The following CREB5 variants were observed in gnomAD, a reference collection of about 807,000 sequenced individuals.
CREB5 encodes cAMP responsive element binding protein 5.
In CREB5, 19 loss-of-function variants were observed where a neutral mutation model predicts 57.1. The ratio of observed to expected loss-of-function variants is 0.33; its 90% CI spans 0.23 to 0.49. The LOEUF is 0.49. Among genes scored for constraint, CREB5 ranks in the 20% least tolerant of loss-of-function variants. The pLI is 0.99. For missense variants in CREB5, 579 were observed against 671.6 expected, an observed-to-expected ratio of 0.86 and a Z score of 1.52; for synonymous variants, 238 against 238.3, an observed-to-expected ratio of 1.00 and a Z score of 0.01.
chr7:28,557,673 A>G lies in CREB5; in HGVS notation c.292-12692A>G, dbSNP rs186972282. On this transcript the variant is annotated intron_variant, in intron 4 of 10. Coordinates refer to ENST00000357727, the MANE Select transcript of CREB5 (RefSeq NM_182898.4). ...CATATGTGAGCCTCATTGGAAGGTA[A>G]CATTTAAGGAAACACTTGGAAGAGA... is the stretch of plus-strand genomic sequence containing the variant. 7.2e-5 allele frequency among the ~76,000 whole-genome samples: 11 copies of G among 152,298 alleles called. No homozygotes were observed. The East Asian group carries it at 2.1e-3, about 29-fold the overall frequency.
chr7:28,305,259 C>T (rs1477137768), intron 1 of CREB5, among the ~76,000 whole-genome samples: 2 of 152,194 alleles, frequency 1.3e-5, no homozygotes, highest in East Asian at 3.8e-4. Flanking sequence ...TGAATCCACA[C>T]CTTGGCTTTC....
At chr7:28,413,622 G>T (rs1787903030) in intron 1 of CREB5, among the ~76,000 whole-genome samples, 1 of 152,048 alleles carries the variant, frequency 6.6e-6, no homozygotes, top group Admixed American at 6.5e-5. Flanking sequence ...CCGATAAATT[G>T]CCTGTCAATT....
intron 5 of CREB5, among the ~76,000 whole-genome samples, chr7:28,585,883 G>C (rs1583667624): frequency 6.6e-6 from 1 of 152,140 alleles, no homozygotes. Context: ...ACGATTACTT[G>C]AACATTTGAA....
intron 1 of CREB5, among the ~76,000 whole-genome samples, chr7:28,357,932 C>A (rs979558324): frequency 1.3e-5 from 2 of 151,920 alleles, no homozygotes; most frequent in Non-Finnish European, 2.9e-5. Context: ...TGGGTGGGGG[C>A]AGAATTTAAA....
At chr7:28,355,612 C>A (rs894487739) in intron 1 of CREB5, among the ~76,000 whole-genome samples, 2 of 151,902 alleles carry the variant, frequency 1.3e-5, no homozygotes, top group Non-Finnish European at 2.9e-5. Flanking sequence ...AAATATATAC[C>A]CATAAAAATG....
At chr7:28,749,983 T>C (rs1804890298) in intron 7 of CREB5, among the ~76,000 whole-genome samples, 1 of 152,210 alleles carries the variant, frequency 6.6e-6, no homozygotes, top group Admixed American at 6.5e-5. Context: ...TTTCTAGATA[T>C]AATATTAGAC....
At chr7:28,789,100 GT>G (rs1807508003) in intron 7 of CREB5, among the ~76,000 whole-genome samples, 1 of 152,138 alleles carries the variant, frequency 6.6e-6, no homozygotes, top group Non-Finnish European at 1.5e-5. Context: ...CATTTGAAAT[GT>G]TTCACTCAGT....
At chr7:28,552,182 C>A (rs369165858) in intron 4 of CREB5, among the ~76,000 whole-genome samples, 1 of 152,072 alleles carries the variant, frequency 6.6e-6, no homozygotes, top group Non-Finnish European at 1.5e-5. Context: ...GGATTACAGG[C>A]GCCTGCCACC....
chr7:28,670,482 G>A (rs776506532), intron 5 of CREB5, among the ~76,000 whole-genome samples: 4 of 152,186 alleles, frequency 2.6e-5, no homozygotes, highest in Non-Finnish European at 5.9e-5. Context: ...CTGAATTTGG[G>A]CTACTGTGTT....
intron 1 of CREB5, among the ~76,000 whole-genome samples, chr7:28,376,467 G>A (rs184766338): frequency 8.4e-4 from 127 of 151,928 alleles, no homozygotes; most frequent in Non-Finnish European, 1.5e-3. Context: ...ACGAAGTTTC[G>A]CCATGTTGGC....
At chr7:28,507,171 T>C (rs1355633973) in intron 3 of CREB5, among the ~76,000 whole-genome samples, 1 of 152,224 alleles carries the variant, frequency 6.6e-6, no homozygotes, top group Non-Finnish European at 1.5e-5. Context: ...ACTATAAGAA[T>C]TTGCAAAATC....
At chr7:28,520,665 A>G (rs999505527) in intron 4 of CREB5, among the ~76,000 whole-genome samples, 1 of 152,222 alleles carries the variant, frequency 6.6e-6, no homozygotes, top group Non-Finnish European at 1.5e-5. Flanking sequence ...GGATTTTTAG[A>G]AAGACTATCT....
chr7:28,662,098 C>G lies in CREB5; in HGVS notation c.465-56655C>G, dbSNP rs115693299. ...GAAAAAAGGGCTGCTCTTCTAGCGG[C>G]CTAGACCTGATCCTCCAGAGAACTT... On this transcript the variant is annotated intron_variant, in intron 5 of 10. Transcript: ENST00000357727. Among the ~76,000 whole-genome samples, 1,007 of 152,282 alleles carry G rather than the reference C, an allele frequency of 6.6e-3. 12 individuals carry two copies. Among genetic ancestry groups the G allele is most frequent in the African/African-American group, 0.023 (975 of 41,550 alleles).
chr7:28,329,089 T>C (rs1335932586), intron 1 of CREB5, among the ~76,000 whole-genome samples: 1 of 152,188 alleles, frequency 6.6e-6, no homozygotes, highest in Non-Finnish European at 1.5e-5. Flanking sequence ...CAGAGGAATA[T>C]CTCACTGGTT....
chr7:28,799,197 A>G lies in CREB5; in HGVS notation c.703-5002A>G, dbSNP rs954567137. ...ACTTATCTTCACTGCATTCCTTCAAATATGACACAGGCTGCTGCTCAGAGG... is the reference window on the plus strand; with the variant it reads ...ACTTATCTTCACTGCATTCCTTCAAGTATGACACAGGCTGCTGCTCAGAGG... On this transcript the variant is annotated intron_variant, in intron 7 of 10. Coordinates refer to ENST00000357727, the MANE Select transcript of CREB5 (RefSeq NM_182898.4). Among the ~76,000 whole-genome samples, 6 of 152,206 alleles carry G rather than the reference A, an allele frequency of 3.9e-5. No homozygotes were observed. In the East Asian group the frequency reaches 5.8e-4, roughly 15 times the overall value.
At chr7:28,456,698 T>C (rs1389906170) in intron 1 of CREB5, among the ~76,000 whole-genome samples, 3 of 152,262 alleles carry the variant, frequency 2.0e-5, no homozygotes. Context: ...AAGATCATGT[T>C]GCTTTCACTG....
chr7:28,560,881 T>TGTGCGTGCGCGCGTGTGCGTGCGTGC lies in CREB5; in HGVS notation c.292-9483_292-9482insTGCGTGCGCGCGTGTGCGTGCGTGCG, dbSNP rs1554344374. Among the ~76,000 whole-genome samples the TGTGCGTGCGCGCGTGTGCGTGCGTGC allele has an allele frequency of 6.5e-5, 3 of 46,206 alleles. 1 individual carries two copies. The highest frequency in any genetic ancestry group is 2.1e-4 in the African/African-American group (2 of 9,332). 30.3% of individuals were successfully genotyped at this position (46,206 alleles called of 152,430 possible). A position where few individuals can be genotyped will look rare whatever the true frequency, so the allele number is the denominator to read the frequency against. On this transcript the variant is annotated intron_variant, in intron 4 of 10. Coordinates refer to ENST00000357727, the MANE Select transcript of CREB5 (RefSeq NM_182898.4). ...GTGCGTGTGCCTGCGTGCGCGTGCG[T>TGTGCGTGCGCGCGTGTGCGTGCGTGC]GCGTGCGTGTGTGTGCGTGCGCGCG...
chr7:28,668,139 A>G (rs1303659101), intron 5 of CREB5, among the ~76,000 whole-genome samples: 1 of 152,198 alleles, frequency 6.6e-6, no homozygotes, highest in African/African-American at 2.4e-5. Context: ...TTCAGGACTC[A>G]TTGTTATGAG....
chr7:28,408,289 C>T (rs942229260), upstream of CREB5, among the ~76,000 whole-genome samples: 9 of 152,270 alleles, frequency 5.9e-5, no homozygotes, highest in Non-Finnish European at 7.4e-5. Context: ...TGGTCGCAAG[C>T]GCTTTGTAAG....
Sources: gnomAD v4.1 joint callset for allele counts (sites outside exome capture counted in the v4.1 genomes callset) on GRCh38, gnomAD v4.1.1 for gene constraint, MANE v1.5 for transcripts, NCBI Gene and HGNC (gene_info 2026-07-23, HGNC 2026-07-21) for gene names.